Variants in FARP1 observed in about 807,000 individuals in gnomAD.
FARP1 encodes FERM, ARHGEF and pleckstrin domain-containing protein 1.
A neutral mutation model predicts 128.8 loss-of-function variants in FARP1; 52 were observed. The ratio of observed to expected loss-of-function variants is 0.40; its 90% confidence interval spans 0.32 to 0.51. The LOEUF is 0.51. Among genes scored for constraint, FARP1 ranks in the 20% least tolerant of loss-of-function variants. FARP1 has a pLI of 0.45. For missense variants in FARP1, 1,333 were observed against 1,367.9 expected (o/e 0.97, Z 0.40); for synonymous variants, 580 against 551.8 (o/e 1.05, Z -0.72).
chr13:98,299,245 T>G (rs1885823959), intron 2 of FARP1, among the ~76,000 whole-genome samples: 1 of 152,230 alleles, frequency 6.6e-6, no homozygotes, highest in Non-Finnish European at 1.5e-5. Context: ...CTGTCTGTTT[T>G]TTTGGCATAG....
chr13:98,296,366 C>T (rs1323022283), intron 2 of FARP1, among the ~76,000 whole-genome samples: 1 of 152,162 alleles, frequency 6.6e-6, no homozygotes, highest in Non-Finnish European at 1.5e-5. Context: ...GCTATTTCCC[C>T]AGTTTCTTCC....
At chr13:98,208,237 C>G (rs1594270603) in intron 1 of FARP1, among the ~76,000 whole-genome samples, 1 of 151,690 alleles carries the variant, frequency 6.6e-6, no homozygotes, top group Non-Finnish European at 1.5e-5. Flanking sequence ...CTCCTGTAAT[C>G]CCAGCACTTG....
rs1893092050 is a variant in FARP1, at chr13:98,449,670, T to C, written c.*1353T>C. On this transcript the variant is annotated 3_prime_UTR_variant, in exon 27 of 27. Coordinates refer to ENST00000319562, the MANE Select transcript of FARP1 (RefSeq NM_005766.4). ...CGAAGAGCCTGCCGTGTGTTAATCA[T>C]TTGCCTTACAAGATGTACCAGACGG... The C allele has an allele frequency of 6.6e-6, 1 of 152,516 alleles. No individual in the cohort carries two copies. Among genetic ancestry groups the C allele is most frequent in the South Asian group, 2.1e-4 (1 of 4,812 alleles). The allele number at this position is 152,516 out of a possible 1,614,324, so 9.4% of individuals were successfully genotyped here.
At chr13:98,355,094 T>C (rs1456356783) in intron 3 of FARP1, among the ~76,000 whole-genome samples, 1 of 152,204 alleles carries the variant, frequency 6.6e-6, no homozygotes, top group Non-Finnish European at 1.5e-5. Flanking sequence ...ATGCCTGTAA[T>C]CCTAGCGCTT....
intron 3 of FARP1, among the ~76,000 whole-genome samples, chr13:98,348,483 C>T (rs1566904779): frequency 6.6e-6 from 1 of 152,214 alleles, no homozygotes; most frequent in South Asian, 2.1e-4. Context: ...CAGGGGACTC[C>T]CTCGAAACGG....
At chr13:98,385,417 C>A (rs7358818) in intron 7 of FARP1, among the ~76,000 whole-genome samples, 2 of 151,208 alleles carry the variant, frequency 1.3e-5, no homozygotes, top group African/African-American at 4.9e-5. Flanking sequence ...CCAAAAAAAA[C>A]AAAAAAAACA....
chr13:98,357,997 C>T (rs903679214), intron 3 of FARP1, among the ~76,000 whole-genome samples: 4 of 152,062 alleles, frequency 2.6e-5, no homozygotes, highest in African/African-American at 9.7e-5. Flanking sequence ...TGAGGTTTTC[C>T]AGACTGGCTG....
intron 3 of FARP1, among the ~76,000 whole-genome samples, chr13:98,346,351 G>A (rs1247716998): frequency 8.6e-5 from 13 of 151,534 alleles, no homozygotes; most frequent in African/African-American, 2.4e-4. Context: ...CATCACGCCC[G>A]GCTAATTTTT....
At chr13:98,390,458 A>G in intron 10 of FARP1, 1 of 431,272 alleles carries the variant, frequency 2.3e-6, no homozygotes, top group South Asian at 4.7e-5. Context: ...ATTCATTTTT[A>G]ACAAATCATT....
chr13:98,244,731 T>G, intron 2 of FARP1: 1 of 1,606,998 alleles, frequency 6.2e-7, no homozygotes, highest in Non-Finnish European at 8.5e-7. Context: ...AAGTCCTGTT[T>G]CATTATTTCA....
intron 2 of FARP1, among the ~76,000 whole-genome samples, chr13:98,294,019 C>T (rs1442944111): frequency 7.2e-5 from 11 of 152,176 alleles, no homozygotes; most frequent in Non-Finnish European, 2.9e-5. Flanking sequence ...TTATGTGTGT[C>T]GAAGTCCATC....
chr13:98,189,176 G>A (rs1276436139), intron 1 of FARP1, among the ~76,000 whole-genome samples: 2 of 151,972 alleles, frequency 1.3e-5, no homozygotes, highest in Non-Finnish European at 2.9e-5. Flanking sequence ...CAGTGGCCAA[G>A]AACATGAACC....
At chr13:98,253,735 G>A (rs1448368362) in intron 2 of FARP1, among the ~76,000 whole-genome samples, 1 of 152,140 alleles carries the variant, frequency 6.6e-6, no homozygotes, top group Admixed American at 6.5e-5. Flanking sequence ...GATGTGCTCT[G>A]CTCTTGGCCT....
At chr13:98,437,339 C>T (rs1179741283) in intron 19 of FARP1, among the ~76,000 whole-genome samples, 2 of 152,160 alleles carry the variant, frequency 1.3e-5, no homozygotes, top group South Asian at 2.1e-4. Context: ...CTCCTGTAAT[C>T]GCTCCGTGTC....
At chr13:98,425,337 G>T (rs1251971075) in intron 17 of FARP1, 1 of 151,766 alleles carries the variant, frequency 6.6e-6, no homozygotes, top group Non-Finnish European at 1.5e-5. Context: ...TAAATTCTAT[G>T]ACTTTAAATC....
At chr13:98,190,017 T>C (rs1294010117) in intron 1 of FARP1, among the ~76,000 whole-genome samples, 3 of 152,254 alleles carry the variant, frequency 2.0e-5, no homozygotes, top group Non-Finnish European at 4.4e-5. Flanking sequence ...AGATTGCCCT[T>C]GTCTTCTGTT....
At position 98,241,513 on chromosome 13, in the gene FARP1, CT is replaced by C. The variant is rs1393603118; in HGVS notation, c.171+28101del. Among the ~76,000 whole-genome samples, 5 of 152,142 alleles carry C rather than the reference CT, an allele frequency of 3.3e-5. No homozygotes were observed. In the East Asian group the frequency reaches 9.7e-4, roughly 29 times the overall value. ...AGAAAAATGGGGCCAGGCATGGTGGCTCATGCCTGTAATCCCAGCACTTTGG... is the reference window on the plus strand; with the variant it reads ...AGAAAAATGGGGCCAGGCATGGTGGCCATGCCTGTAATCCCAGCACTTTGG... On this transcript the variant is annotated intron_variant, in intron 2 of 26. Coordinates refer to ENST00000319562, the MANE Select transcript of FARP1 (RefSeq NM_005766.4).
intron 2 of FARP1, among the ~76,000 whole-genome samples, chr13:98,335,380 G>C (rs1887696838): frequency 6.6e-6 from 1 of 152,208 alleles, no homozygotes; most frequent in Admixed American, 6.5e-5. Context: ...GGCAAAGAGA[G>C]AGCTTGTGCA....
At chr13:98,422,226 A>T (rs1891618336) in intron 16 of FARP1, among the ~76,000 whole-genome samples, 1 of 152,208 alleles carries the variant, frequency 6.6e-6, no homozygotes, top group Non-Finnish European at 1.5e-5. Context: ...ATGAGCTTGG[A>T]GGGCCACGCA....
Sources: allele counts gnomAD v4.1 joint callset (sites outside exome capture counted in the v4.1 genomes callset), GRCh38; gene constraint gnomAD v4.1.1; transcripts MANE v1.5; gene names NCBI Gene and HGNC (gene_info 2026-07-23, HGNC 2026-07-21).